The following ZNF804B variants were observed in gnomAD, a reference collection of about 807,000 sequenced individuals.
ZNF804B encodes the protein zinc finger protein 804B.
A neutral mutation model predicts 101.4 loss-of-function variants in ZNF804B; 80 were observed. That is an observed-to-expected ratio of 0.79 (90% CI 0.66 to 0.95). The LOEUF (loss-of-function observed/expected upper bound fraction) is 0.95. ZNF804B is among the 40% of genes least tolerant of loss of function. ZNF804B has a pLI of 0.00. For missense variants in ZNF804B, 1,673 were observed against 1,561.9 expected, an observed-to-expected ratio of 1.07 and a Z score of -1.20; for synonymous variants, 622 against 558.8, an observed-to-expected ratio of 1.11 and a Z score of -1.59.
At chr7:89,273,781 TTTAA>T (rs1410361216) in intron 2 of ZNF804B, among the ~76,000 whole-genome samples, 1 of 152,190 alleles carries the variant, frequency 6.6e-6, no homozygotes, top group Non-Finnish European at 1.5e-5. Flanking sequence ...CAAACTTCAA[TTTAA>T]TTCTCATTTC....
chr7:89,123,714 T>TGAG (rs1790438093), intron 1 of ZNF804B, among the ~76,000 whole-genome samples: 1 of 151,530 alleles, frequency 6.6e-6, no homozygotes, highest in Non-Finnish European at 1.5e-5. Context: ...CTTAACAGCA[T>TGAG]ATAAGTATTA....
intron 1 of ZNF804B, among the ~76,000 whole-genome samples, chr7:88,924,142 A>G (rs1490852533): frequency 6.6e-6 from 1 of 152,088 alleles, no homozygotes; most frequent in African/African-American, 2.4e-5. Context: ...ACCTTCATAA[A>G]TGGCTGTAGT....
intron 1 of ZNF804B, among the ~76,000 whole-genome samples, chr7:88,766,274 C>T (rs186861435): frequency 2.9e-4 from 44 of 152,242 alleles, no homozygotes; most frequent in African/African-American, 1.1e-3. Flanking sequence ...AAGGCCACTT[C>T]ACTGCAGCCC....
At chr7:89,096,898 A>G (rs1423627306) in intron 1 of ZNF804B, among the ~76,000 whole-genome samples, 1 of 152,180 alleles carries the variant, frequency 6.6e-6, no homozygotes, top group Non-Finnish European at 1.5e-5. Flanking sequence ...GGTGAGCTGT[A>G]AACCTTCTCT....
At chr7:88,803,679 G>A (rs981902122) in intron 1 of ZNF804B, among the ~76,000 whole-genome samples, 2 of 152,068 alleles carry the variant, frequency 1.3e-5, no homozygotes, top group African/African-American at 2.4e-5. Flanking sequence ...GCCCAGATTT[G>A]GGAAGAAAAA....
intron 2 of ZNF804B, among the ~76,000 whole-genome samples, chr7:89,250,522 G>A (rs1223918280): frequency 6.6e-6 from 1 of 152,100 alleles, no homozygotes; most frequent in African/African-American, 2.4e-5. Flanking sequence ...ACAAATAAGA[G>A]CTGGTACTAA....
At chr7:89,168,883 TG>T (rs1344266088) in intron 1 of ZNF804B, among the ~76,000 whole-genome samples, 1 of 152,036 alleles carries the variant, frequency 6.6e-6, no homozygotes, top group African/African-American at 2.4e-5. Flanking sequence ...GCTCCCAAGA[TG>T]GGGGCGGGCC....
intron 1 of ZNF804B, among the ~76,000 whole-genome samples, chr7:88,871,265 A>G (rs1791819095): frequency 2.0e-5 from 3 of 152,114 alleles, no homozygotes; most frequent in Non-Finnish European, 4.4e-5. Flanking sequence ...TTAATAAGCT[A>G]CTCTATCTAT....
chr7:89,121,709 A>G (rs1398324964), intron 1 of ZNF804B, among the ~76,000 whole-genome samples: 2 of 152,220 alleles, frequency 1.3e-5, no homozygotes, highest in Non-Finnish European at 1.5e-5. Context: ...AGATTTACCC[A>G]GAGGTATAGA....
At chr7:89,078,599 G>T (rs1789646246) in intron 1 of ZNF804B, among the ~76,000 whole-genome samples, 1 of 148,870 alleles carries the variant, frequency 6.7e-6, no homozygotes, top group Non-Finnish European at 1.5e-5. Flanking sequence ...AGATGTTAGG[G>T]CAATATAAAA....
chr7:89,213,870 C>A (rs1259793143), intron 1 of ZNF804B, among the ~76,000 whole-genome samples: 1 of 152,154 alleles, frequency 6.6e-6, no homozygotes, highest in African/African-American at 2.4e-5. Flanking sequence ...AGTGGGTGAA[C>A]AAGTGTGAAG....
chr7:89,143,144 A>G (rs575459277), intron 1 of ZNF804B, among the ~76,000 whole-genome samples: 3 of 151,876 alleles, frequency 2.0e-5, no homozygotes, highest in Admixed American at 1.3e-4. Flanking sequence ...TTTACCCATA[A>G]TTTGTTAAGA....
intron 2 of ZNF804B, among the ~76,000 whole-genome samples, chr7:89,244,845 C>T (rs1789420096): frequency 6.6e-6 from 1 of 152,118 alleles, no homozygotes; most frequent in African/African-American, 2.4e-5. Context: ...AACAATCAAT[C>T]TGAGAATTAA....
At position 89,335,477 on chromosome 7, in the gene ZNF804B, C is replaced by T. The variant is rs148180334; in HGVS notation, c.2495C>T (p.Ser832Leu). Residue 832 changes from serine (S) to leucine (L), a missense_variant, in exon 4 of 4, where the codon TCA becomes TTA. Physicochemically the swap from Ser to Leu is moderately radical, Grantham distance 145. Coordinates refer to ENST00000333190, the MANE Select transcript of ZNF804B (RefSeq NM_181646.5). ...STRIIYCDSN[S>L]QISCTGSSKK... The stretch of plus-strand genomic sequence containing the variant: ...AGAATCATCTATTGTGATTCTAACT[C>T]ACAGATTTCCTGTACTGGAAGCAGT... 6.7e-4 allele frequency: 1,084 copies of T among 1,613,852 alleles called. 1 individual carries two copies. Among genetic ancestry groups the T allele is most frequent in the Non-Finnish European group, 8.8e-4 (1,040 of 1,179,968 alleles).
chr7:88,897,347 C>A (rs570208085), intron 1 of ZNF804B, among the ~76,000 whole-genome samples: 1 of 152,110 alleles, frequency 6.6e-6, no homozygotes, highest in Non-Finnish European at 1.5e-5. Flanking sequence ...TGAAGTAATA[C>A]GCCTTAAAGA....
rs370094116 is a variant in ZNF804B at position 88,981,157 on chromosome 7, G to A, written c.108+221073G>A. On this transcript the variant is annotated intron_variant, in intron 1 of 3. Coordinates refer to ENST00000333190, the MANE Select transcript of ZNF804B (RefSeq NM_181646.5). ...CTGGGTCTTACCCAAGGTTCACAGCGCATACTGCCTGCCTACCACTGACGT... is the reference window on the plus strand; with the variant it reads ...CTGGGTCTTACCCAAGGTTCACAGCACATACTGCCTGCCTACCACTGACGT... 1.6e-4 allele frequency among the ~76,000 whole-genome samples: 24 copies of A among 152,124 alleles called. No homozygotes were observed. The East Asian group carries it at 2.9e-3, about 19-fold the overall frequency.
intron 2 of ZNF804B, among the ~76,000 whole-genome samples, chr7:89,319,153 A>T (rs1185976725): frequency 6.6e-6 from 1 of 152,118 alleles, no homozygotes; most frequent in Non-Finnish European, 1.5e-5. Flanking sequence ...CTTGGGCATT[A>T]GGGCCATTAT....
Position 89,334,567 on chromosome 7 carries a change from G to T in ZNF804B, c.1585G>T (p.Glu529Ter). ...LTEDQQKLIQEDYQYPKPKTM... is the reference protein window; with the variant it reads ...LTEDQQKLIQ ...TGAAGACCAACAAAAATTGATCCAA[G>T]AAGATTATCAATATCCGAAACCAAA... Residue 529 changes from glutamate (E) to a stop codon, truncating the protein, a stop_gained, in exon 4 of 4, where the codon GAA (glutamate) becomes TAA (stop). Transcript: ENST00000333190. LOFTEE classifies it high-confidence loss of function. The T allele has an allele frequency of 6.2e-7, 1 of 1,613,638 alleles. No homozygotes were observed. The highest frequency in any genetic ancestry group is 8.5e-7 in the Non-Finnish European group (1 of 1,179,800).
At chr7:88,845,293 ACGCGCGCG>A (rs143617719) in intron 1 of ZNF804B, among the ~76,000 whole-genome samples, 119 of 131,628 alleles carry the variant, frequency 9.0e-4, no homozygotes, top group African/African-American at 3.3e-3. Flanking sequence ...GCGCGCGCGC[ACGCGCGCG>A]CACACACACA....
Sources: gnomAD v4.1 joint callset for allele counts (sites outside exome capture counted in the v4.1 genomes callset) on GRCh38, gnomAD v4.1.1 for gene constraint, MANE v1.5 for transcripts, NCBI Gene and HGNC (gene_info 2026-07-23, HGNC 2026-07-21) for gene names.